The following CXCL13 variants were observed in gnomAD, a reference collection of about 807,000 sequenced individuals.
CXCL13 encodes the protein C-X-C motif chemokine ligand 13.
A neutral mutation model predicts 12.2 loss-of-function variants in CXCL13; 7 were observed. That is an observed-to-expected ratio of 0.57 (90% CI 0.33 to 1.07). The LOEUF (loss-of-function observed/expected upper bound fraction) is 1.07, where lower values mean the gene tolerates loss of function less well. Among genes scored for constraint, CXCL13 ranks in the 50% least tolerant of loss-of-function variants. The pLI, the probability that CXCL13 is intolerant of heterozygous loss-of-function variation, is 0.04. For synonymous variants in CXCL13, 47 were observed against 42.4 expected (o/e 1.11, Z -0.42); for missense variants, 113 against 127.4 (o/e 0.89, Z 0.55).
chr4:77,611,048 T>C lies in CXCL13; in HGVS notation c.*9T>C. ...AGAGAAAGATTCCCTGATGCTGATA[T>C]TTCCACTAAGAACACCTGCATTCTT... On this transcript the variant is annotated 3_prime_UTR_variant, in exon 4 of 4. Transcript: ENST00000682537. 1 of 1,605,666 alleles carries C rather than the reference T, an allele frequency of 6.2e-7. No homozygotes were observed. Among genetic ancestry groups the C allele is most frequent in the Non-Finnish European group, 8.5e-7 (1 of 1,175,282 alleles).
rs1021150888 is a variant in CXCL13 at position 77,611,324 on chromosome 4, CTTG to C, written c.*291_*293del. 47 of 362,932 alleles carry C rather than the reference CTTG, an allele frequency of 1.3e-4. No homozygotes were observed. The highest frequency in any genetic ancestry group is 7.2e-4 in the Middle Eastern group (1 of 1,388). 22.5% of individuals were successfully genotyped at this position (362,932 alleles called of 1,614,324 possible). A position where few individuals can be genotyped will look rare whatever the true frequency, so the allele number is the denominator to read the frequency against. ...AATACAGGATTATTTTGATTATATA[CTTG>C]TTGTTTAATGTTTAAAATTTCTTAG... On this transcript the variant is annotated 3_prime_UTR_variant, in exon 4 of 4. Coordinates refer to ENST00000682537, the MANE Select transcript of CXCL13 (RefSeq NM_001371558.1).
At chr4:77,512,594 A>C (rs1226493764) in intron 1 of CXCL13, among the ~76,000 whole-genome samples, 1 of 152,032 alleles carries the variant, frequency 6.6e-6, no homozygotes, top group East Asian at 1.9e-4. Flanking sequence ...TCTTCTTATA[A>C]GGACACCAGT....
intron 1 of CXCL13, among the ~76,000 whole-genome samples, chr4:77,591,483 G>A (rs1353870543): frequency 3.3e-5 from 5 of 149,334 alleles, no homozygotes; most frequent in South Asian, 2.1e-4. Context: ...CTCGGGAGGC[G>A]GAGCTTGCAG....
intron 1 of CXCL13, among the ~76,000 whole-genome samples, chr4:77,556,963 T>C (rs1030888307): frequency 6.6e-6 from 1 of 151,968 alleles, no homozygotes; most frequent in African/African-American, 2.4e-5. Context: ...GCTGCAGTGA[T>C]TTATGATCGT....
rs189276677 is a variant in CXCL13 at position 77,517,962 on chromosome 4, C to A, written c.-43+6174C>A. ...GGCTGGTACCGGTTGTTCCTTTCCA[C>A]GTTTAGTGCTTCCTTCAGGAGCTCT... On this transcript the variant is annotated intron_variant, in intron 1 of 4. Transcript: ENST00000286758. Among the ~76,000 whole-genome samples the A allele has an allele frequency of 7.3e-3, 1,113 of 152,238 alleles. 12 individuals are homozygous for A. The highest frequency in any genetic ancestry group is 0.025 in the African/African-American group (1,047 of 41,536).
intron 1 of CXCL13, among the ~76,000 whole-genome samples, chr4:77,530,142 G>A (rs191986326): frequency 4.8e-4 from 73 of 152,266 alleles, no homozygotes; most frequent in African/African-American, 1.7e-3. Flanking sequence ...GATCATGGTG[G>A]ATAAGCTTCT....
At chr4:77,571,428 G>A (rs950011279) in intron 1 of CXCL13, among the ~76,000 whole-genome samples, 29 of 144,398 alleles carry the variant, frequency 2.0e-4, no homozygotes, top group Non-Finnish European at 4.1e-4. Context: ...ACACCAATCG[G>A]CACTCTGTAT....
chr4:77,523,270 G>C (rs540197489), intron 1 of CXCL13, among the ~76,000 whole-genome samples: 1 of 152,098 alleles, frequency 6.6e-6, no homozygotes, highest in Non-Finnish European at 1.5e-5. Flanking sequence ...TGCTATGTTG[G>C]GGAAGTTCTC....
chr4:77,559,387 T>G (rs1725746047), intron 1 of CXCL13, among the ~76,000 whole-genome samples: 1 of 152,192 alleles, frequency 6.6e-6, no homozygotes, highest in Admixed American at 6.5e-5. Flanking sequence ...TATTCCTAAT[T>G]GGGGTGAGAA....
intron 1 of CXCL13, among the ~76,000 whole-genome samples, chr4:77,557,494 T>C (rs143795147): frequency 9.9e-4 from 151 of 152,350 alleles, no homozygotes; most frequent in Middle Eastern, 3.4e-3. Flanking sequence ...GATGGAATCA[T>C]ACCCTTCTTG....
At chr4:77,515,439 G>T (rs1451569202) in intron 1 of CXCL13, among the ~76,000 whole-genome samples, 1 of 152,200 alleles carries the variant, frequency 6.6e-6, no homozygotes, top group African/African-American at 2.4e-5. Flanking sequence ...CTACCCATGA[G>T]CATGGAAGGT....
chr4:77,611,699 A>C lies in CXCL13; in HGVS notation c.*660A>C. On this transcript the variant is annotated 3_prime_UTR_variant, in exon 4 of 4. Coordinates refer to ENST00000682537, the MANE Select transcript of CXCL13 (RefSeq NM_001371558.1). ...TATCCTTTCACACATTTGCCTTGACAAACTTCTTTCACTCACATCTTTTTC... is the reference window on the plus strand; with the variant it reads ...TATCCTTTCACACATTTGCCTTGACCAACTTCTTTCACTCACATCTTTTTC... The C allele has an allele frequency of 2.5e-6, 1 of 398,514 alleles. No individual in the cohort carries two copies. The highest frequency in any genetic ancestry group is 4.4e-6 in the Non-Finnish European group (1 of 226,006). The allele number at this position is 398,514 out of a possible 1,614,324, so 24.7% of individuals were successfully genotyped here.
chr4:77,585,937 G>C (rs1004525282), intron 1 of CXCL13, among the ~76,000 whole-genome samples: 3 of 152,100 alleles, frequency 2.0e-5, no homozygotes, highest in Admixed American at 2.0e-4. Context: ...ACTTCCCAGA[G>C]GTTGAGCCCC....
chr4:77,522,848 A>G (rs1287288994), intron 1 of CXCL13, among the ~76,000 whole-genome samples: 1 of 152,030 alleles, frequency 6.6e-6, no homozygotes, highest in Admixed American at 6.6e-5. Context: ...GGCTTCTACC[A>G]GTTGTTTCTT....
At chr4:77,592,644 A>G (rs1726641954) in intron 1 of CXCL13, among the ~76,000 whole-genome samples, 2 of 152,232 alleles carry the variant, frequency 1.3e-5, no homozygotes, top group Admixed American at 1.3e-4. Context: ...AGGACATTGG[A>G]CAGCTCATGA....
intron 1 of CXCL13, among the ~76,000 whole-genome samples, chr4:77,540,334 G>A (rs1725169352): frequency 6.6e-6 from 1 of 152,154 alleles, no homozygotes; most frequent in Non-Finnish European, 1.5e-5. Context: ...ATGATGTTGA[G>A]TTTTGGGGTA....
chr4:77,537,243 G>A (rs1322858390), intron 1 of CXCL13, among the ~76,000 whole-genome samples: 2 of 152,214 alleles, frequency 1.3e-5, no homozygotes, highest in African/African-American at 4.8e-5. Context: ...GAAGGTACAA[G>A]AGTACAGAGT....
intron 1 of CXCL13, among the ~76,000 whole-genome samples, chr4:77,549,335 G>A (rs551867078): frequency 6.6e-6 from 1 of 152,268 alleles, no homozygotes; most frequent in South Asian, 2.1e-4. Context: ...GCCTAGTTCT[G>A]TCAACTCATC....
chr4:77,525,640 C>G (rs1203136111), intron 1 of CXCL13, among the ~76,000 whole-genome samples: 1 of 151,802 alleles, frequency 6.6e-6, no homozygotes. Flanking sequence ...AAAGTGAACA[C>G]AGAATTGAAG....
Sources: allele counts gnomAD v4.1 joint callset (sites outside exome capture counted in the v4.1 genomes callset), GRCh38; gene constraint gnomAD v4.1.1; transcripts MANE v1.5; gene names NCBI Gene and HGNC (gene_info 2026-07-23, HGNC 2026-07-21).